Variants in FOCAD observed in about 807,000 individuals in gnomAD.
The protein encoded by FOCAD is focadhesin.
In FOCAD, 198 loss-of-function variants were observed where a neutral mutation model predicts 225.6. The ratio of observed to expected loss-of-function variants is 0.88; its 90% CI spans 0.78 to 0.99. The LOEUF (loss-of-function observed/expected upper bound fraction) is 0.99, where lower values mean the gene tolerates loss of function less well. Ranked by LOEUF, FOCAD falls within the 50% of genes least tolerant of loss-of-function variation. The pLI, the probability that FOCAD is intolerant of heterozygous loss-of-function variation, is 0.00. For missense variants in FOCAD, 2,713 were observed against 2,123.6 expected, an observed-to-expected ratio of 1.28 and a Z score of -5.46; for synonymous variants, 897 against 755.0, an observed-to-expected ratio of 1.19 and a Z score of -3.08.
intron 35 of FOCAD, among the ~76,000 whole-genome samples, chr9:20,970,583 T>C (rs575953979): frequency 3.9e-5 from 6 of 152,228 alleles, no homozygotes; most frequent in African/African-American, 1.4e-4. Flanking sequence ...TTTCTTGTAT[T>C]GTTCTCCTGG....
intron 1 of FOCAD, among the ~76,000 whole-genome samples, chr9:20,707,210 T>C (rs886678308): frequency 1.3e-5 from 2 of 152,208 alleles, no homozygotes; most frequent in African/African-American, 4.8e-5. Context: ...GTCACACCAC[T>C]GAGTTGCTAT....
intron 35 of FOCAD, among the ~76,000 whole-genome samples, chr9:20,966,280 C>G (rs1201067311): frequency 6.6e-6 from 1 of 151,892 alleles, no homozygotes; most frequent in Non-Finnish European, 1.5e-5. Context: ...TCCCTAATGA[C>G]TAATAATGTT....
chr9:20,710,668 T>C (rs1824775817), intron 1 of FOCAD, among the ~76,000 whole-genome samples: 1 of 152,186 alleles, frequency 6.6e-6, no homozygotes, highest in African/African-American at 2.4e-5. Context: ...TATATCACTC[T>C]ATATTCCATT....
At chr9:20,893,467 C>T (rs575967827) in intron 21 of FOCAD, among the ~76,000 whole-genome samples, 54 of 152,058 alleles carry the variant, frequency 3.6e-4, no homozygotes, top group Admixed American at 2.5e-3. Context: ...CTAATGATTG[C>T]GGTGGTCTTA....
chr9:20,944,488 C>T (rs889727530), intron 28 of FOCAD, 139 bp from the exon 29 acceptor site: 3 of 826,266 alleles, frequency 3.6e-6, no homozygotes, highest in Middle Eastern at 2.7e-4. Context: ...GATGATGGGG[C>T]ACACCATCTA....
intron 9 of FOCAD, 108 bp from the exon 10 acceptor site, chr9:20,781,619 T>C: frequency 1.2e-6 from 1 of 858,148 alleles, no homozygotes; most frequent in Non-Finnish European, 1.9e-6. Context: ...TCTGACCCAG[T>C]TATAAAAGGG....
chr9:20,800,235 T>C (rs1287127333), intron 11 of FOCAD, among the ~76,000 whole-genome samples: 1 of 152,184 alleles, frequency 6.6e-6, no homozygotes, highest in Non-Finnish European at 1.5e-5. Context: ...TCTGATGGGC[T>C]TCCCTTTGTG....
intron 7 of FOCAD, among the ~76,000 whole-genome samples, chr9:20,769,531 G>T (rs1817972584): frequency 6.6e-6 from 1 of 152,158 alleles, no homozygotes. Context: ...TTTGAATATG[G>T]TCTTTTACTA....
At chr9:20,700,239 A>G (rs1429205910) in intron 1 of FOCAD, among the ~76,000 whole-genome samples, 1 of 152,180 alleles carries the variant, frequency 6.6e-6, no homozygotes, top group East Asian at 1.9e-4. Context: ...TAAATAGCAG[A>G]TTAAGCACAT....
chr9:20,678,612 G>T (rs1327489799), intron 2 of FOCAD, among the ~76,000 whole-genome samples: 3 of 152,142 alleles, frequency 2.0e-5, no homozygotes, highest in Non-Finnish European at 4.4e-5. Context: ...ACCTATAACT[G>T]CAGCACAGGC....
At chr9:20,825,225 T>A (rs1190113209) in intron 15 of FOCAD, among the ~76,000 whole-genome samples, 1 of 151,636 alleles carries the variant, frequency 6.6e-6, no homozygotes, top group Non-Finnish European at 1.5e-5. Context: ...GTGATGTGTG[T>A]TACAGTCATA....
At chr9:20,674,049 C>T (rs1017876632) in intron 2 of FOCAD, among the ~76,000 whole-genome samples, 6 of 152,152 alleles carry the variant, frequency 3.9e-5, no homozygotes, top group African/African-American at 1.4e-4. Context: ...CTGGGTCTAT[C>T]TGTAGTGGTA....
At chr9:20,876,763 A>T (rs547838539) in intron 19 of FOCAD, among the ~76,000 whole-genome samples, 96 of 152,272 alleles carry the variant, frequency 6.3e-4, no homozygotes, top group African/African-American at 2.1e-3. Context: ...CAGCCTTAGG[A>T]ATATATACCC....
chr9:20,843,400 G>C (rs1453472762), intron 15 of FOCAD, among the ~76,000 whole-genome samples: 2 of 151,782 alleles, frequency 1.3e-5, no homozygotes, highest in African/African-American at 4.8e-5. Flanking sequence ...AAATTTTTTT[G>C]CTTCAGCACT....
At chr9:20,724,098 C>T (rs1023556494) in intron 4 of FOCAD, among the ~76,000 whole-genome samples, 2 of 152,120 alleles carry the variant, frequency 1.3e-5, no homozygotes, top group Admixed American at 6.5e-5. Flanking sequence ...ATCTGCCTCC[C>T]GTAATTCATT....
chr9:20,954,570 G>A (rs556961778), intron 35 of FOCAD, among the ~76,000 whole-genome samples: 3 of 152,082 alleles, frequency 2.0e-5, no homozygotes, highest in Admixed American at 1.3e-4. Flanking sequence ...TTCAATCTTC[G>A]GTTGAATGTA....
intron 5 of FOCAD, among the ~76,000 whole-genome samples, chr9:20,742,769 T>C (rs886583115): frequency 6.6e-6 from 1 of 152,204 alleles, no homozygotes; most frequent in Non-Finnish European, 1.5e-5. Flanking sequence ...TATAGTTGGT[T>C]CCTTTAACTT....
At chr9:20,663,970 A>G (rs1337780556) in intron 2 of FOCAD, among the ~76,000 whole-genome samples, 1 of 152,120 alleles carries the variant, frequency 6.6e-6, no homozygotes, top group Admixed American at 6.5e-5. Flanking sequence ...TTGTTTTCCC[A>G]GTTACCTATT....
intron 19 of FOCAD, among the ~76,000 whole-genome samples, chr9:20,877,030 A>G (rs1277136528): frequency 6.6e-6 from 1 of 152,194 alleles, no homozygotes; most frequent in Non-Finnish European, 1.5e-5. Context: ...AGTTCTGTGT[A>G]CCTTTTTTGA....
Sources: allele counts gnomAD v4.1 joint callset (sites outside exome capture counted in the v4.1 genomes callset), GRCh38; gene constraint gnomAD v4.1.1; transcripts MANE v1.5; gene names NCBI Gene and HGNC (gene_info 2026-07-23, HGNC 2026-07-21).